Variants in SRGAP2B observed in about 807,000 individuals in gnomAD.
SRGAP2B encodes SLIT-ROBO Rho GTPase activating protein 2B.
SRGAP2B carries 9 observed loss-of-function variants against 22.2 expected under a neutral mutation model. The observed-to-expected ratio is 0.41, with a 90% CI of 0.24 to 0.71. SRGAP2B has a LOEUF of 0.71. SRGAP2B is among the 30% of genes least tolerant of loss of function. SRGAP2B has a pLI of 0.35. For synonymous variants in SRGAP2B, 36 were observed against 87.4 expected (o/e 0.41, Z 3.28); for missense variants, 114 against 235.8 (o/e 0.48, Z 3.38).
intron 2 of SRGAP2B, among the ~76,000 whole-genome samples, chr1:145,031,714 G>A (rs1288843216): frequency 6.9e-6 from 1 of 145,372 alleles, no homozygotes; most frequent in Non-Finnish European, 1.5e-5. Context: ...CGGAGTGGTG[G>A]TGGGCGCCTG....
chr1:145,022,962 C>T (rs1390942064), intron 2 of SRGAP2B, among the ~76,000 whole-genome samples: 1 of 149,558 alleles, frequency 6.7e-6, no homozygotes, highest in Non-Finnish European at 1.5e-5. Context: ...GTCAAGAGAT[C>T]GAGACCATCC....
At chr1:145,090,507 C>G (rs1553636134) in intron 2 of SRGAP2B, among the ~76,000 whole-genome samples, 1 of 149,462 alleles carries the variant, frequency 6.7e-6, no homozygotes, top group African/African-American at 2.5e-5. Context: ...AGGATTAAAC[C>G]AGACCATTCA....
intron 2 of SRGAP2B, among the ~76,000 whole-genome samples, chr1:145,044,942 A>G (rs1649607367): frequency 6.6e-6 from 1 of 150,666 alleles, no homozygotes. Flanking sequence ...GAGGCTACCT[A>G]TAGAACTTCC....
intron 3 of SRGAP2B, among the ~76,000 whole-genome samples, chr1:144,973,439 A>G (rs1306892315): frequency 2.2e-5 from 2 of 92,324 alleles, no homozygotes; most frequent in Admixed American, 2.6e-4. Context: ...AGAAGGAGGG[A>G]GGGAGGGAGG....
chr1:144,990,780 A>G (rs1237346569), intron 3 of SRGAP2B, among the ~76,000 whole-genome samples: 6 of 151,064 alleles, frequency 4.0e-5, no homozygotes, highest in Non-Finnish European at 7.4e-5. Context: ...GCAATGGGGG[A>G]CTTAGCACCC....
chr1:145,044,650 TA>T (rs1184404731), intron 2 of SRGAP2B, among the ~76,000 whole-genome samples: 1 of 30,680 alleles, frequency 3.3e-5, no homozygotes, highest in African/African-American at 1.3e-4. Context: ...AACCCCCTCC[TA>T]AAAAAAAAAA....
In SRGAP2B at chr1:144,902,775, A is replaced by G. The variant is rs1406427313; in HGVS notation, c.831+2316T>C. 3.7e-5 allele frequency among the ~76,000 whole-genome samples: 5 copies of G among 136,698 alleles called. 1 individual carries two copies. The highest frequency in any genetic ancestry group is 1.1e-4 in the African/African-American group (4 of 35,502). 89.7% of individuals were successfully genotyped at this position (136,698 alleles called of 152,430 possible). ...AGACTCCTTCTCAAAAAAAAAAAAA[A>G]AAAGAAACATGAGAAACTTTATTAC... On this transcript the variant is annotated intron_variant, in intron 7 of 9. Transcript: ENST00000612199.
At chr1:145,070,356 A>G (rs1238193388) in intron 2 of SRGAP2B, among the ~76,000 whole-genome samples, 2 of 107,970 alleles carry the variant, frequency 1.9e-5, no homozygotes, top group African/African-American at 7.7e-5. Flanking sequence ...ACACTGTTAA[A>G]CAGCAATGGC....
intron 2 of SRGAP2B, among the ~76,000 whole-genome samples, chr1:145,044,650 TAAAAAA>T (rs1184404731): frequency 3.3e-5 from 1 of 30,662 alleles, no homozygotes; most frequent in Non-Finnish European, 5.6e-5. Flanking sequence ...AACCCCCTCC[TAAAAAA>T]AAAAAAAAAA....
rs782752093 is a variant in SRGAP2B at position 144,955,465 on chromosome 1, C to T, written c.397G>A (p.Glu133Lys). Residue 133 changes from glutamate (E) to lysine (K), a missense_variant, in exon 4 of 10, where the codon GAG (glutamate) becomes AAG (lysine). Glu to Lys is a moderately conservative substitution (Grantham distance 56, BLOSUM62 1). This residue lies in a region of SRGAP2B where 95 missense variants were observed against 139.0 expected (regional missense o/e 0.68). Transcript: ENST00000612199. ...TTTTTAAAGAGTCTTCCTGAGTCCTCGCTGACTTGTACAAATCGAGGAATG... is the reference window on the plus strand; with the variant it reads ...TTTTTAAAGAGTCTTCCTGAGTCCTTGCTGACTTGTACAAATCGAGGAATG... 7.0e-6 allele frequency: 11 copies of T among 1,572,152 alleles called. No individual in the cohort carries two copies. In the Admixed American group the frequency reaches 9.2e-5, roughly 13 times the overall value.
At chr1:144,925,777 AAG>A (rs1260052761) in intron 4 of SRGAP2B, among the ~76,000 whole-genome samples, 1 of 142,220 alleles carries the variant, frequency 7.0e-6, no homozygotes, top group Non-Finnish European at 1.5e-5. Context: ...GAAAGAAAGA[AAG>A]AAAGAAAGAA....
intron 2 of SRGAP2B, among the ~76,000 whole-genome samples, chr1:145,002,704 C>G (rs1553620183): frequency 6.7e-6 from 1 of 150,190 alleles, no homozygotes; most frequent in Admixed American, 6.6e-5. Context: ...AAATTACAAT[C>G]TAATTGTGAA....
intron 2 of SRGAP2B, among the ~76,000 whole-genome samples, chr1:145,069,895 T>A (rs1651949096): frequency 6.7e-6 from 1 of 148,852 alleles, no homozygotes; most frequent in Non-Finnish European, 1.5e-5. Flanking sequence ...GATCGCCTAT[T>A]TGAAGTAAAA....
At chr1:144,909,565 C>CTGT (rs1467879449) in intron 5 of SRGAP2B, among the ~76,000 whole-genome samples, 1 of 143,784 alleles carries the variant, frequency 7.0e-6, no homozygotes, top group Admixed American at 6.9e-5. Flanking sequence ...CCAGCCTGGG[C>CTGT]AACAGAGCGA....
intron 2 of SRGAP2B, among the ~76,000 whole-genome samples, chr1:145,019,790 C>T (rs1372532728): frequency 8.8e-5 from 13 of 147,394 alleles, no homozygotes; most frequent in Non-Finnish European, 1.6e-4. Flanking sequence ...AACAGCCTAA[C>T]ATGGTATGAT....
intron 2 of SRGAP2B, among the ~76,000 whole-genome samples, chr1:145,070,271 G>T (rs1198179667): frequency 8.4e-6 from 1 of 118,972 alleles, no homozygotes; most frequent in Admixed American, 8.9e-5. Context: ...TGTGAAATAA[G>T]AATGATTCTA....
Position 144,980,604 on chromosome 1 carries a change from G to A in SRGAP2B, c.260+14404C>T, listed in dbSNP as rs1289725952. Among the ~76,000 whole-genome samples, 52 of 151,598 alleles carry A rather than the reference G, an allele frequency of 3.4e-4. 1 individual carries two copies. Among genetic ancestry groups the A allele is most frequent in the African/African-American group, 1.2e-3 (49 of 41,146 alleles). The stretch of plus-strand genomic sequence containing the variant: ...CCTAAATATATTAAGACGCAGAACT[G>A]TGCTCATTGATTCTCCCTGAATTTA... On this transcript the variant is annotated intron_variant, in intron 3 of 9. Transcript: ENST00000612199.
In SRGAP2B at chr1:144,970,154, C is replaced by G. The variant is rs1668392823; in HGVS notation, c.261-14553G>C. On this transcript the variant is annotated intron_variant, in intron 3 of 9. Transcript: ENST00000612199. ...CAGCCATCCCATTACTGGGTATATA[C>G]CCAAATGACTATAAATCCTGCTGCT... is the stretch of plus-strand genomic sequence containing the variant. 4.1e-5 allele frequency among the ~76,000 whole-genome samples: 6 copies of G among 146,402 alleles called. No individual in the cohort carries two copies. The South Asian group carries it at 1.3e-3, about 32-fold the overall frequency.
At chr1:144,951,118 G>T (rs4844717) in intron 4 of SRGAP2B, among the ~76,000 whole-genome samples, 8 of 123,956 alleles carry the variant, frequency 6.5e-5, no homozygotes, top group Non-Finnish European at 1.2e-4. Context: ...AAAGCGCTGC[G>T]ATTACAGGCG....
Sources: allele counts gnomAD v4.1 joint callset (sites outside exome capture counted in the v4.1 genomes callset), GRCh38; gene constraint gnomAD v4.1.1; regional missense constraint gnomAD v4.1.1; transcripts MANE v1.5; gene names NCBI Gene and HGNC (gene_info 2026-07-23, HGNC 2026-07-21).